The following BCHE variants were observed in gnomAD, a reference collection of about 807,000 sequenced individuals.
BCHE encodes cholinesterase.
Under a neutral mutation model 51.3 loss-of-function variants are expected in BCHE, and 48 were observed. The ratio of observed to expected loss-of-function variants is 0.94; its 90% CI spans 0.74 to 1.19. The LOEUF is 1.19. Among genes scored for constraint, BCHE ranks in the 50% most tolerant of loss-of-function variants. The probability of loss-of-function intolerance (pLI) is 0.00; values close to 1 mark genes in which losing one functional copy is unlikely to be tolerated. For missense variants in BCHE, 847 were observed against 708.2 expected (o/e 1.20, Z -2.23); for synonymous variants, 251 against 238.0 (o/e 1.05, Z -0.50).
chr3:165,774,105 G>T (rs1003097950), intron 3 of BCHE, among the ~76,000 whole-genome samples: 9 of 151,798 alleles, frequency 5.9e-5, no homozygotes, highest in African/African-American at 2.2e-4. Context: ...CTGTGTAAAT[G>T]TTTATTATAT....
intron 3 of BCHE, among the ~76,000 whole-genome samples, chr3:165,779,328 G>A (rs1712593126): frequency 6.6e-6 from 1 of 152,022 alleles, no homozygotes; most frequent in African/African-American, 2.4e-5. Flanking sequence ...TATTAAATGG[G>A]CAAAAGCTGG....
intron 2 of BCHE, among the ~76,000 whole-genome samples, chr3:165,814,621 C>T (rs928557721): frequency 2.0e-5 from 3 of 151,958 alleles, no homozygotes; most frequent in African/African-American, 4.8e-5. Context: ...TTTTCCAACA[C>T]TTGCTGGCCT....
intron 2 of BCHE, among the ~76,000 whole-genome samples, chr3:165,789,503 G>A (rs975506983): frequency 3.3e-5 from 5 of 152,066 alleles, no homozygotes; most frequent in African/African-American, 9.7e-5. Context: ...TCCTAGTGCT[G>A]CCTACCTAAG....
chr3:165,831,263 C>T (rs906513499), intron 1 of BCHE, among the ~76,000 whole-genome samples: 15 of 151,910 alleles, frequency 9.9e-5, no homozygotes, highest in African/African-American at 3.4e-4. Flanking sequence ...AAAAAATATT[C>T]ATTTTAGGGA....
intron 2 of BCHE, among the ~76,000 whole-genome samples, chr3:165,825,997 C>A (rs1426044862): frequency 2.0e-5 from 3 of 152,030 alleles, no homozygotes; most frequent in Non-Finnish European, 2.9e-5. Context: ...TGATTAGTTG[C>A]AAGTGATGCT....
chr3:165,789,772 T>C lies in BCHE; in HGVS notation c.1518-3461A>G, dbSNP rs1713098381. Among the ~76,000 whole-genome samples, 3 of 152,092 alleles carry C rather than the reference T, an allele frequency of 2.0e-5. No individual in the cohort carries two copies. The South Asian group carries it at 6.2e-4, about 32-fold the overall frequency. ...ATGTCACTTAAATGATATTCTATTG[T>C]AAAATAAGGAATAGAAGGGCTATAA... is the stretch of plus-strand genomic sequence containing the variant. On this transcript the variant is annotated intron_variant, in intron 2 of 3. Coordinates refer to ENST00000264381, the MANE Select transcript of BCHE (RefSeq NM_000055.4).
intron 1 of BCHE, among the ~76,000 whole-genome samples, chr3:165,831,854 T>G (rs768523713): frequency 1.4e-4 from 21 of 152,324 alleles, no homozygotes; most frequent in Middle Eastern, 3.4e-3. Context: ...GGGGCTAGCA[T>G]TATAATGTCT....
At position 165,825,047 on chromosome 3, in the gene BCHE, AC is replaced by A. The variant is rs369813863; in HGVS notation, c.1517+4469del. On this transcript the variant is annotated intron_variant, in intron 2 of 3. Coordinates refer to ENST00000264381, the MANE Select transcript of BCHE (RefSeq NM_000055.4). ...CAAATCAAAAGTTTTGTTTGTGAAA[AC>A]ATAGTGTACTCCTTTAAACTCTCCA... is the stretch of plus-strand genomic sequence containing the variant. Among the ~76,000 whole-genome samples the A allele has an allele frequency of 7.9e-5, 12 of 152,134 alleles. No individual in the cohort carries two copies. In the East Asian group the frequency reaches 2.1e-3, roughly 27 times the overall value.
intron 2 of BCHE, among the ~76,000 whole-genome samples, chr3:165,811,051 A>G (rs1714074253): frequency 6.6e-6 from 1 of 152,172 alleles, no homozygotes; most frequent in African/African-American, 2.4e-5. Flanking sequence ...GAGCTGCATT[A>G]CCTAATTGAT....
chr3:165,773,640 TTTG>T, intron 3 of BCHE, 134 bp from the exon 4 acceptor site: 1 of 687,788 alleles, frequency 1.5e-6, no homozygotes, highest in Non-Finnish European at 2.3e-6. Flanking sequence ...TTCTTTATTA[TTTG>T]TTATTAGCTC....
intron 1 of BCHE, among the ~76,000 whole-genome samples, chr3:165,834,026 T>C (rs1259222308): frequency 1.3e-5 from 2 of 152,074 alleles, no homozygotes; most frequent in Non-Finnish European, 2.9e-5. Flanking sequence ...AAACACCAAA[T>C]TGAAATAAAT....
chr3:165,783,258 C>A (rs143922738), intron 3 of BCHE, among the ~76,000 whole-genome samples: 2 of 151,900 alleles, frequency 1.3e-5, no homozygotes, highest in African/African-American at 4.8e-5. Context: ...ATTGTTCTGT[C>A]GTAATTTTGA....
chr3:165,804,704 A>G (rs917187852), intron 2 of BCHE, among the ~76,000 whole-genome samples: 8 of 152,198 alleles, frequency 5.3e-5, no homozygotes, highest in Non-Finnish European at 8.8e-5. Flanking sequence ...TTTTGGGAAG[A>G]CAGAACAGGT....
At chr3:165,818,564 T>G (rs1714392272) in intron 2 of BCHE, among the ~76,000 whole-genome samples, 1 of 152,154 alleles carries the variant, frequency 6.6e-6, no homozygotes, top group Non-Finnish European at 1.5e-5. Context: ...ATAGGGATAT[T>G]AATGCATTTT....
intron 2 of BCHE, among the ~76,000 whole-genome samples, chr3:165,813,025 T>G (rs138319054): frequency 1.9e-3 from 287 of 149,652 alleles, no homozygotes; most frequent in African/African-American, 6.8e-3. Context: ...CATCATTACT[T>G]TTGGTTTGAA....
chr3:165,822,970 T>C (rs916823393), intron 2 of BCHE, among the ~76,000 whole-genome samples: 5 of 152,126 alleles, frequency 3.3e-5, no homozygotes, highest in Non-Finnish European at 7.4e-5. Context: ...GTTGTACTGA[T>C]ATTTTCACAT....
intron 2 of BCHE, among the ~76,000 whole-genome samples, chr3:165,807,440 GTTA>G (rs1713907083): frequency 6.6e-6 from 1 of 151,708 alleles, no homozygotes; most frequent in African/African-American, 2.4e-5. Context: ...TCAACAACCA[GTTA>G]CCATCAGCGG....
chr3:165,823,299 T>C (rs528608693), intron 2 of BCHE, among the ~76,000 whole-genome samples: 1 of 152,230 alleles, frequency 6.6e-6, no homozygotes, highest in African/African-American at 2.4e-5. Flanking sequence ...AAATGAGTTT[T>C]ATATAACTGA....
At chr3:165,777,806 T>A (rs1712530710) in intron 3 of BCHE, 2 of 452,576 alleles carry the variant, frequency 4.4e-6, no homozygotes, top group Non-Finnish European at 8.9e-6. Context: ...CTACTCAATG[T>A]GAAGATGACA....
Sources: allele counts gnomAD v4.1 joint callset (sites outside exome capture counted in the v4.1 genomes callset), GRCh38; gene constraint gnomAD v4.1.1; transcripts MANE v1.5; gene names NCBI Gene and HGNC (gene_info 2026-07-23, HGNC 2026-07-21).